Variants in SH3TC2 observed in about 807,000 individuals in gnomAD.
SH3TC2 encodes SH3 domain and tetratricopeptide repeats 2.
Under a neutral mutation model 124.5 loss-of-function variants are expected in SH3TC2, and 87 were observed. The ratio of observed to expected loss-of-function variants is 0.70; its 90% confidence interval spans 0.59 to 0.84. The LOEUF (loss-of-function observed/expected upper bound fraction) is 0.84, where lower values mean the gene tolerates loss of function less well. SH3TC2 is among the 40% of genes least tolerant of loss of function. The pLI is 0.00. For missense variants in SH3TC2, 1,536 were observed against 1,566.4 expected (o/e 0.98, Z 0.33); for synonymous variants, 634 against 628.5 (o/e 1.01, Z -0.13).
chr5:149,015,724 C>T (rs1580893272), intron 12 of SH3TC2, among the ~76,000 whole-genome samples: 1 of 152,212 alleles, frequency 6.6e-6, no homozygotes, highest in African/African-American at 2.4e-5. Flanking sequence ...TTACCACCCG[C>T]TGCTGGGGCT....
chr5:149,031,603 G>A lies in SH3TC2; in HGVS notation c.1086C>T (p.Ser362=), dbSNP rs766061011. ...LGSDKQTECS[S]FLHTLARTDI... ...CAGTGCGAGCAAGAGTGTGGAGGAA[G>A]CTGGAACACTCAGTCTGCTTATCAC... The change falls in exon 9 of 17, where the codon AGC becomes AGT. Residue 362 remains serine, a synonymous_variant. Coordinates refer to ENST00000515425, the MANE Select transcript of SH3TC2 (RefSeq NM_024577.4). The A allele has an allele frequency of 6.2e-7, 1 of 1,614,144 alleles. No individual in the cohort carries two copies. Among genetic ancestry groups the A allele is most frequent in the Non-Finnish European group, 8.5e-7 (1 of 1,180,014 alleles).
rs1753585316 is a variant in SH3TC2, at chr5:149,000,846, T to C, written c.*3865A>G. On this transcript the variant is annotated 3_prime_UTR_variant, in exon 17 of 17. Transcript: ENST00000515425. ...CACCTGTAAAAAGAAGATAATATAA[T>C]TGAGCTATAAAAATATATTATTTCA... 6.6e-6 allele frequency among the ~76,000 whole-genome samples: 1 copy of C among 152,210 alleles called. No individual in the cohort carries two copies. The highest frequency in any genetic ancestry group is 1.5e-5 in the Non-Finnish European group (1 of 68,040).
intron 12 of SH3TC2, among the ~76,000 whole-genome samples, chr5:149,013,735 G>A (rs906025233): frequency 4.6e-5 from 7 of 152,104 alleles, no homozygotes; most frequent in Admixed American, 4.6e-4. Flanking sequence ...TGAGACATAG[G>A]TAATATATTT....
intron 12 of SH3TC2, among the ~76,000 whole-genome samples, chr5:149,023,387 C>T (rs536504014): frequency 1.8e-4 from 28 of 151,956 alleles, no homozygotes; most frequent in African/African-American, 6.0e-4. Flanking sequence ...GTAACTAAAA[C>T]GTGCATATTA....
At position 148,987,764 on chromosome 5, in the gene SH3TC2, G is replaced by A. The variant is rs142551288; in HGVS notation, c.*16947C>T. The stretch of plus-strand genomic sequence containing the variant: ...ACTCTCCCACCACTTAACAAGCATG[G>A]GAAGCTCACCAAGTCATGTCCTCAC... On this transcript the variant is annotated 3_prime_UTR_variant, in exon 17 of 17. Coordinates refer to ENST00000515425, the MANE Select transcript of SH3TC2 (RefSeq NM_024577.4). 7.3e-3 allele frequency among the ~76,000 whole-genome samples: 1,110 copies of A among 151,452 alleles called. 2 individuals carry two copies. The highest frequency in any genetic ancestry group is 0.017 in the Middle Eastern group (5 of 294).
chr5:149,044,355 T>C, intron 4 of SH3TC2, 178 bp downstream of exon 4: 1 of 587,244 alleles, frequency 1.7e-6, no homozygotes, highest in Non-Finnish European at 3.0e-6. Context: ...AGAATAATAG[T>C]TAATATTTGC....
At position 149,038,497 on chromosome 5, in the gene SH3TC2, A is replaced by G; in HGVS notation, c.806-7T>C. 6.2e-7 allele frequency: 1 copy of G among 1,613,788 alleles called. No individual in the cohort carries two copies. The highest frequency in any genetic ancestry group is 8.5e-7 in the Non-Finnish European group (1 of 1,179,728). ...GCCTTACAGCGTCCTCTGCCTGTGG[A>G]AAATAGCACACAGATCAGCTACAGA... On this transcript the variant is annotated splice_region_variant and splice_polypyrimidine_tract_variant and intron_variant, in intron 7 of 16. Coordinates refer to ENST00000515425, the MANE Select transcript of SH3TC2 (RefSeq NM_024577.4).
intron 8 of SH3TC2, among the ~76,000 whole-genome samples, chr5:149,033,732 G>T (rs1205609489): frequency 6.6e-6 from 1 of 152,152 alleles, no homozygotes; most frequent in Non-Finnish European, 1.5e-5. Flanking sequence ...TGAGTCCCTG[G>T]AAAACATCAA....
At chr5:149,022,683 G>T (rs1023068267) in intron 12 of SH3TC2, among the ~76,000 whole-genome samples, 4 of 152,172 alleles carry the variant, frequency 2.6e-5, no homozygotes, top group Admixed American at 6.5e-5. Flanking sequence ...TAGTATATCA[G>T]TACAACAAAA....
At chr5:149,042,418 A>G (rs1754386789) in intron 5 of SH3TC2, among the ~76,000 whole-genome samples, 1 of 152,216 alleles carries the variant, frequency 6.6e-6, no homozygotes, top group African/African-American at 2.4e-5. Flanking sequence ...ACCTTCAGAG[A>G]TTTAATGGGC....
chr5:149,026,852 A>G lies in SH3TC2; in HGVS notation c.2872+8T>C. On this transcript the variant is annotated splice_region_variant and intron_variant, in intron 11 of 16. Transcript: ENST00000515425. ...CTATAGCTTCCCAGCAGCATGGGAC[A>G]TACTTACTCTTTAGATGTCGATGCC... is the stretch of plus-strand genomic sequence containing the variant. The G allele has an allele frequency of 3.1e-6, 5 of 1,614,218 alleles. No homozygotes were observed. The highest frequency in any genetic ancestry group is 8.5e-7 in the Non-Finnish European group (1 of 1,180,042).
At chr5:149,048,677 T>A (rs1201278214) in intron 2 of SH3TC2, among the ~76,000 whole-genome samples, 2 of 152,184 alleles carry the variant, frequency 1.3e-5, no homozygotes, top group African/African-American at 4.8e-5. Flanking sequence ...CCTGTTCTGA[T>A]GGAGCTTGTA....
intron 1 of SH3TC2, among the ~76,000 whole-genome samples, chr5:149,061,364 C>A (rs1355578901): frequency 1.3e-5 from 2 of 152,030 alleles, no homozygotes; most frequent in African/African-American, 4.8e-5. Flanking sequence ...TCTGAGGCAC[C>A]TCTACACAGC....
chr5:149,014,894 C>T (rs1753845407), intron 12 of SH3TC2, among the ~76,000 whole-genome samples: 1 of 152,230 alleles, frequency 6.6e-6, no homozygotes, highest in South Asian at 2.1e-4. Context: ...TTGATGAAGA[C>T]AAGACCCATA....
intron 14 of SH3TC2, 92 bp downstream of exon 14, chr5:149,010,178 G>C (rs1237702787): frequency 6.5e-7 from 1 of 1,547,942 alleles, no homozygotes; most frequent in East Asian, 2.2e-5. Context: ...ACAAGCAAGA[G>C]AGGAGAAGAG....
At chr5:149,042,335 G>C (rs1160220818) in intron 5 of SH3TC2, among the ~76,000 whole-genome samples, 2 of 152,192 alleles carry the variant, frequency 1.3e-5, no homozygotes, top group African/African-American at 2.4e-5. Flanking sequence ...GTTTGGAAAA[G>C]GGTTTCTCGA....
At chr5:149,028,752 G>A (rs1469896692) in intron 9 of SH3TC2, 34 bp from the exon 10 acceptor site, 6 of 1,613,326 alleles carry the variant, frequency 3.7e-6, no homozygotes, top group Admixed American at 3.3e-5. Context: ...CTGGTGTTAG[G>A]TCAGGATGGG....
intron 13 of SH3TC2, among the ~76,000 whole-genome samples, chr5:149,011,684 C>G (rs1028809977): frequency 1.3e-5 from 2 of 152,112 alleles, no homozygotes; most frequent in Non-Finnish European, 2.9e-5. Context: ...AGCATGCAAT[C>G]AGGGTTATGC....
At position 148,988,691 on chromosome 5, in the gene SH3TC2, T is replaced by G. The variant is rs4543254; in HGVS notation, c.*16020A>C. On this transcript the variant is annotated 3_prime_UTR_variant, in exon 17 of 17. Transcript: ENST00000515425. ...CAGAGGAGCCTTTGATGACTCCAGC[T>G]CTGGCCACTATTGGACTGCAACAAC... is the stretch of plus-strand genomic sequence containing the variant. 0.59 allele frequency among the ~76,000 whole-genome samples: 89,570 copies of G among 151,986 alleles called. 26,656 individuals are homozygous for G. The highest frequency in any genetic ancestry group is 0.73 in the East Asian group (3,759 of 5,158).
Sources: allele counts gnomAD v4.1 joint callset (sites outside exome capture counted in the v4.1 genomes callset), GRCh38; gene constraint gnomAD v4.1.1; transcripts MANE v1.5; gene names NCBI Gene and HGNC (gene_info 2026-07-23, HGNC 2026-07-21).